LRMDA: variants seen among roughly 807,000 people sequenced by gnomAD.
LRMDA encodes the protein leucine rich melanocyte differentiation associated, also known as leucine-rich melanocyte differentiation-associated protein.
Under a neutral mutation model 29.8 loss-of-function variants are expected in LRMDA, and 18 were observed. That is an observed-to-expected ratio of 0.60 (90% CI 0.42 to 0.90). The LOEUF is 0.90. Among genes scored for constraint, LRMDA ranks in the 40% least tolerant of loss-of-function variants. LRMDA has a pLI of 0.00. For missense variants in LRMDA, 273 were observed against 273.9 expected, an observed-to-expected ratio of 1.00 and a Z score of 0.02; for synonymous variants, 125 against 109.4, an observed-to-expected ratio of 1.14 and a Z score of -0.89.
At chr10:75,631,227 C>T (rs1841317752) in intron 2 of LRMDA, among the ~76,000 whole-genome samples, 1 of 152,244 alleles carries the variant, frequency 6.6e-6, no homozygotes. Context: ...ACCTCGTACT[C>T]CTCACCCTAA....
At chr10:76,120,172 T>C (rs1350093345) in intron 5 of LRMDA, among the ~76,000 whole-genome samples, 1 of 150,668 alleles carries the variant, frequency 6.6e-6, no homozygotes. Flanking sequence ...TGGTGACATG[T>C]CTACAGGTAT....
chr10:75,773,466 G>T (rs1445374441), intron 2 of LRMDA, among the ~76,000 whole-genome samples: 1 of 152,162 alleles, frequency 6.6e-6, no homozygotes, highest in African/African-American at 2.4e-5. Flanking sequence ...GAGCAGGTCT[G>T]GTGAGAGGGG....
chr10:76,082,861 C>G (rs1026009501), intron 5 of LRMDA, among the ~76,000 whole-genome samples: 1 of 152,062 alleles, frequency 6.6e-6, no homozygotes, highest in Non-Finnish European at 1.5e-5. Context: ...TTGCATAGGT[C>G]CATAAGGAAG....
At chr10:76,245,484 G>T (rs1461869766) in intron 5 of LRMDA, among the ~76,000 whole-genome samples, 1 of 152,148 alleles carries the variant, frequency 6.6e-6, no homozygotes, top group African/African-American at 2.4e-5. Context: ...AGCACATTCT[G>T]ATCAATTCAT....
intron 5 of LRMDA, among the ~76,000 whole-genome samples, chr10:76,307,846 G>A (rs1040935): frequency 0.6 from 91,796 of 152,014 alleles, 31,309 homozygotes; most frequent in Non-Finnish European, 0.8. Context: ...GGATCTAACC[G>A]TATATGAAAC....
chr10:76,557,125 C>T, intron 6 of LRMDA, 84 bp from the exon 7 acceptor site: 1 of 1,073,480 alleles, frequency 9.3e-7, no homozygotes, highest in Non-Finnish European at 1.4e-6. Context: ...CTATGATTAT[C>T]TTGCATGTCT....
intron 6 of LRMDA, among the ~76,000 whole-genome samples, chr10:76,534,715 A>G (rs1293429262): frequency 1.3e-5 from 2 of 152,218 alleles, no homozygotes; most frequent in East Asian, 1.9e-4. Context: ...CAATGATAAT[A>G]CATGTCATTC....
At chr10:75,791,444 TCAATAA>T (rs1843563497) in intron 2 of LRMDA, among the ~76,000 whole-genome samples, 2 of 152,130 alleles carry the variant, frequency 1.3e-5, no homozygotes, top group South Asian at 4.1e-4. Flanking sequence ...CCATTTATCA[TCAATAA>T]ATACCAAGGG....
intron 6 of LRMDA, among the ~76,000 whole-genome samples, chr10:76,363,266 G>A (rs1190136817): frequency 5.0e-5 from 3 of 59,864 alleles, no homozygotes; most frequent in African/African-American, 2.3e-4. Context: ...AAGGAAGGAA[G>A]GAAGGAAGGA....
At chr10:76,059,744 A>G (rs1032217299) in intron 5 of LRMDA, among the ~76,000 whole-genome samples, 2 of 152,212 alleles carry the variant, frequency 1.3e-5, no homozygotes, top group Non-Finnish European at 2.9e-5. Flanking sequence ...ACAAAACAGA[A>G]CAATGAAACA....
At chr10:75,728,650 T>C (rs567045113) in intron 2 of LRMDA, among the ~76,000 whole-genome samples, 2 of 152,194 alleles carry the variant, frequency 1.3e-5, no homozygotes, top group East Asian at 3.9e-4. Context: ...GACGGAGCAC[T>C]GGGGAGGAGG....
intron 6 of LRMDA, among the ~76,000 whole-genome samples, chr10:76,489,502 C>A (rs1403449366): frequency 2.6e-5 from 4 of 151,642 alleles, no homozygotes; most frequent in Non-Finnish European, 5.9e-5. Flanking sequence ...TTTTGCATTT[C>A]AATTTTATTT....
intron 6 of LRMDA, among the ~76,000 whole-genome samples, chr10:76,550,400 G>C (rs1015779883): frequency 6.6e-6 from 1 of 152,186 alleles, no homozygotes; most frequent in African/African-American, 2.4e-5. Context: ...TTTTTGTACA[G>C]TGAAGGTGAA....
At chr10:75,719,462 A>ACTT (rs897213692) in intron 2 of LRMDA, among the ~76,000 whole-genome samples, 2 of 152,194 alleles carry the variant, frequency 1.3e-5, no homozygotes, top group African/African-American at 4.8e-5. Flanking sequence ...CCTGCAGAGA[A>ACTT]CTTCTTTCAC....
intron 5 of LRMDA, among the ~76,000 whole-genome samples, chr10:76,125,304 G>A (rs886774638): frequency 7.4e-4 from 112 of 152,250 alleles, no homozygotes; most frequent in African/African-American, 2.6e-3. Flanking sequence ...GTTCGGCTGT[G>A]TTGTGCATGG....
chr10:76,319,061 C>A (rs1470063028), intron 5 of LRMDA: 2 of 152,312 alleles, frequency 1.3e-5, no homozygotes, highest in Admixed American at 6.5e-5. Flanking sequence ...AGGCACCCGC[C>A]ACCATGCCTG....
chr10:76,226,953 T>C (rs1851969781), intron 5 of LRMDA, among the ~76,000 whole-genome samples: 1 of 152,216 alleles, frequency 6.6e-6, no homozygotes, highest in Admixed American at 6.5e-5. Context: ...TAACGTATAC[T>C]GATGAATAAA....
intron 2 of LRMDA, among the ~76,000 whole-genome samples, chr10:75,811,972 C>T (rs1229928305): frequency 6.6e-6 from 1 of 152,190 alleles, no homozygotes; most frequent in Non-Finnish European, 1.5e-5. Flanking sequence ...TTTGTGCCCG[C>T]TGTGATGCCC....
rs571786889 is a variant in LRMDA, at chr10:75,999,651, C to T, written c.132-36357C>T. ...GCTGCTTCAGTATTCATTTCAGTGG[C>T]GTTGACAATACTGACAATATAATTG... On this transcript the variant is annotated intron_variant, in intron 2 of 6. Coordinates refer to ENST00000611255, the MANE Select transcript of LRMDA (RefSeq NM_001305581.2). Among the ~76,000 whole-genome samples the T allele has an allele frequency of 1.1e-3, 170 of 152,228 alleles. 1 individual carries two copies. Among genetic ancestry groups the T allele is most frequent in the Non-Finnish European group, 2.0e-3 (135 of 68,026 alleles).
Sources: allele counts gnomAD v4.1 joint callset (sites outside exome capture counted in the v4.1 genomes callset), GRCh38; gene constraint gnomAD v4.1.1; transcripts MANE v1.5; gene names NCBI Gene and HGNC (gene_info 2026-07-23, HGNC 2026-07-21).